Variants in ZNF487 observed in about 807,000 individuals in gnomAD.
ZNF487 encodes the protein KRAB domain only 1.
Under a neutral mutation model 3.0 loss-of-function variants are expected in ZNF487, and 4 were observed. That is an observed-to-expected ratio of 1.35 (90% confidence interval 0.66 to 3.08). The LOEUF is 3.08. Ranked by LOEUF, ZNF487 falls within the 30% of genes most tolerant of loss-of-function variation. ZNF487 has a pLI of 0.01. For synonymous variants in ZNF487, 55 were observed against 34.6 expected (o/e 1.59, Z -2.06); for missense variants, 146 against 98.7 (o/e 1.48, Z -2.03).
chr10:43,478,160 C>A (rs906322801), intron 3 of ZNF487, among the ~76,000 whole-genome samples: 9 of 152,174 alleles, frequency 5.9e-5, no homozygotes, highest in Admixed American at 6.6e-5. Flanking sequence ...TGGCTCACTG[C>A]TGTAATCCCA....
chr10:43,456,135 G>A (rs774489630), intron 1 of ZNF487, among the ~76,000 whole-genome samples: 24 of 152,326 alleles, frequency 1.6e-4, no homozygotes, highest in Non-Finnish European at 3.2e-4. Context: ...TCCAGCCAGT[G>A]TGTCCTCAGT....
At chr10:43,484,756 G>A (rs1841457101), downstream of ZNF487, among the ~76,000 whole-genome samples, 1 of 152,096 alleles carries the variant, frequency 6.6e-6, no homozygotes, top group Non-Finnish European at 1.5e-5. Flanking sequence ...TCTGTGAATT[G>A]TTCAACAATA....
At chr10:43,488,843 G>A in the ZNF487 span, among the ~76,000 whole-genome samples, 1 of 152,138 alleles carries the variant, frequency 6.6e-6, no homozygotes, top group South Asian at 2.1e-4. Flanking sequence ...GAGGCCAGGA[G>A]TGGTGGCTTA....
downstream of ZNF487, among the ~76,000 whole-genome samples, chr10:43,484,873 A>G (rs959999048): frequency 3.3e-5 from 5 of 152,214 alleles, no homozygotes; most frequent in African/African-American, 1.2e-4. Flanking sequence ...CCTGTCATTT[A>G]TGAATTGTTT....
chr10:43,458,248 T>G (rs1840293827), intron 1 of ZNF487: 1 of 152,234 alleles, frequency 6.6e-6, no homozygotes, highest in African/African-American at 2.4e-5. Context: ...GAGCACACTT[T>G]GGTTTCGTAC....
At chr10:43,511,277 A>G in the ZNF487 span, among the ~76,000 whole-genome samples, 1 of 152,182 alleles carries the variant, frequency 6.6e-6, no homozygotes, top group Non-Finnish European at 1.5e-5. Flanking sequence ...GATGGGGAAC[A>G]TGGTTAGATG....
chr10:43,521,312 A>G, the ZNF487 span, among the ~76,000 whole-genome samples: 1 of 152,136 alleles, frequency 6.6e-6, no homozygotes, highest in South Asian at 2.1e-4. Flanking sequence ...TTTATGGCCA[A>G]TGGCACTACA....
chr10:43,467,366 G>A (rs1397851003), intron 1 of ZNF487, among the ~76,000 whole-genome samples: 1 of 150,170 alleles, frequency 6.7e-6, no homozygotes, highest in Non-Finnish European at 1.5e-5. Context: ...CACCACGCCT[G>A]GCTAATTTTT....
At chr10:43,473,138 C>G (rs933711427) in intron 1 of ZNF487, among the ~76,000 whole-genome samples, 8 of 149,956 alleles carry the variant, frequency 5.3e-5, no homozygotes, top group African/African-American at 1.5e-4. Context: ...TAGAGTTTCC[C>G]TCTTGTGCCC....
At chr10:43,448,947 T>C (rs1354704795) in intron 1 of ZNF487, among the ~76,000 whole-genome samples, 2 of 150,552 alleles carry the variant, frequency 1.3e-5, no homozygotes, top group Non-Finnish European at 3.0e-5. Context: ...TGAGCTCTGA[T>C]TGCATCACTG....
At chr10:43,444,900 G>A (rs1839743799) in intron 1 of ZNF487, among the ~76,000 whole-genome samples, 1 of 152,030 alleles carries the variant, frequency 6.6e-6, no homozygotes, top group Admixed American at 6.6e-5. Context: ...TGTAAGGGTA[G>A]AAAGATTTAG....
At chr10:43,447,730 G>T (rs1206540858) in intron 1 of ZNF487, among the ~76,000 whole-genome samples, 1 of 152,096 alleles carries the variant, frequency 6.6e-6, no homozygotes, top group Non-Finnish European at 1.5e-5. Flanking sequence ...GGTCTCTGGG[G>T]TTTTCTCTCC....
chr10:43,493,726 ATATATATAT>A, the ZNF487 span, among the ~76,000 whole-genome samples: 3 of 120,140 alleles, frequency 2.5e-5, no homozygotes, highest in Non-Finnish European at 5.2e-5. Flanking sequence ...ATATATATAT[ATATATATAT>A]ATATGGCTTC....
At chr10:43,477,232 A>G (rs985457913) in intron 3 of ZNF487, among the ~76,000 whole-genome samples, 1 of 144,102 alleles carries the variant, frequency 6.9e-6, no homozygotes, top group Non-Finnish European at 1.5e-5. Context: ...AGTCTCTCTC[A>G]GTCTCACAGG....
chr10:43,437,857 T>C (rs549554924), intron 1 of ZNF487, among the ~76,000 whole-genome samples: 1 of 152,166 alleles, frequency 6.6e-6, no homozygotes, highest in Non-Finnish European at 1.5e-5. Flanking sequence ...ATTTATTTAT[T>C]TATTTATTTA....
intron 1 of ZNF487, among the ~76,000 whole-genome samples, chr10:43,447,578 C>T (rs1422653198): frequency 6.6e-6 from 1 of 152,186 alleles, no homozygotes; most frequent in Non-Finnish European, 1.5e-5. Flanking sequence ...GGTGTAGGAA[C>T]AGGCACTATT....
the ZNF487 span, among the ~76,000 whole-genome samples, chr10:43,522,505 GGTA>G: frequency 6.6e-6 from 1 of 152,156 alleles, no homozygotes; most frequent in Non-Finnish European, 1.5e-5. Flanking sequence ...AGGCTGAGGT[GGTA>G]GGTTTACCTG....
chr10:43,466,274 T>G (rs1840702208), intron 1 of ZNF487, among the ~76,000 whole-genome samples: 1 of 151,294 alleles, frequency 6.6e-6, no homozygotes, highest in African/African-American at 2.4e-5. Context: ...CAACTCCTGA[T>G]CTCAGGTGAT....
chr10:43,486,260 C>T (rs565301777), downstream of ZNF487, among the ~76,000 whole-genome samples: 2 of 152,230 alleles, frequency 1.3e-5, no homozygotes, highest in South Asian at 2.1e-4. Context: ...CAGGGTGGCT[C>T]ACACCTGTAA....
Sources: gnomAD v4.1 joint callset for allele counts (sites outside exome capture counted in the v4.1 genomes callset) on GRCh38, gnomAD v4.1.1 for gene constraint, MANE v1.5 for transcripts, NCBI Gene and HGNC (gene_info 2026-07-23, HGNC 2026-07-21) for gene names.